HSF5: variants seen among roughly 807,000 people sequenced by gnomAD.
The protein encoded by HSF5 is heat shock factor protein 5.
A neutral mutation model predicts 50.8 loss-of-function variants in HSF5; 5 were observed. That is an observed-to-expected ratio of 0.10 (90% CI 0.05 to 0.21). The LOEUF is 0.21. Among genes scored for constraint, HSF5 ranks in the 10% least tolerant of loss-of-function variants. HSF5 has a pLI of 1.00. For synonymous variants in HSF5, 307 were observed against 307.4 expected (o/e 1.00, Z 0.02); for missense variants, 564 against 762.6 (o/e 0.74, Z 3.07).
intron 5 of HSF5, among the ~76,000 whole-genome samples, chr17:58,454,738 G>A (rs1193839766): frequency 6.6e-6 from 1 of 152,078 alleles, no homozygotes; most frequent in Non-Finnish European, 1.5e-5. Flanking sequence ...ATTTATAGTA[G>A]CTACAAGAAA....
Position 58,470,052 on chromosome 17 carries a change from T to C in HSF5, c.926-3073A>G, listed in dbSNP as rs187757479. The stretch of plus-strand genomic sequence containing the variant: ...AACAGTGAGAAAATACCCAATAATA[T>C]AAATGCTCAAAAGAAAAAGCATTAT... On this transcript the variant is annotated intron_variant, in intron 2 of 5. Coordinates refer to ENST00000323777, the MANE Select transcript of HSF5 (RefSeq NM_001080439.3). Among the ~76,000 whole-genome samples, 197 of 152,276 alleles carry C rather than the reference T, an allele frequency of 1.3e-3. 1 individual carries two copies. Among genetic ancestry groups the C allele is most frequent in the African/African-American group, 4.5e-3 (187 of 41,556 alleles).
intron 5 of HSF5, among the ~76,000 whole-genome samples, chr17:58,453,886 C>T (rs1353744670): frequency 1.3e-5 from 2 of 151,710 alleles, no homozygotes; most frequent in Non-Finnish European, 2.9e-5. Context: ...GTCAGGAGTT[C>T]GAGACCAGCC....
chr17:58,451,027 T>G (rs1974633997), intron 5 of HSF5, among the ~76,000 whole-genome samples: 1 of 152,156 alleles, frequency 6.6e-6, no homozygotes, highest in Non-Finnish European at 1.5e-5. Flanking sequence ...AGGCGGAGGT[T>G]GTAGTGAGCT....
chr17:58,439,631 T>C (rs538907362), intron 5 of HSF5, among the ~76,000 whole-genome samples: 80 of 152,190 alleles, frequency 5.3e-4, no homozygotes, highest in Non-Finnish European at 7.5e-4. Flanking sequence ...ATTACAAGCA[T>C]GCGCCACCAT....
Position 58,477,341 on chromosome 17 carries a change from C to T in HSF5, c.925+2552G>A, listed in dbSNP as rs370625942. On this transcript the variant is annotated intron_variant, in intron 2 of 5. Coordinates refer to ENST00000323777, the MANE Select transcript of HSF5 (RefSeq NM_001080439.3). ...TTCACTATGTTAACCAGGCTGGTCT[C>T]GAACTCCTGACCTCATGAATCGCCC... 9.9e-5 allele frequency among the ~76,000 whole-genome samples: 15 copies of T among 151,602 alleles called. No homozygotes were observed. In the East Asian group the frequency reaches 1.9e-3, roughly 20 times the overall value.
At chr17:58,429,445 G>T (rs969908322) in intron 5 of HSF5, among the ~76,000 whole-genome samples, 1 of 152,030 alleles carries the variant, frequency 6.6e-6, no homozygotes, top group Admixed American at 6.6e-5. Flanking sequence ...GAGGCAGGAG[G>T]ATTGCTTGAG....
intron 3 of HSF5, among the ~76,000 whole-genome samples, chr17:58,463,966 T>C (rs958620713): frequency 6.6e-6 from 1 of 152,220 alleles, no homozygotes; most frequent in Admixed American, 6.5e-5. Context: ...TCTGTGAACA[T>C]AAAATACAGA....
Position 58,439,280 on chromosome 17 carries a change from AC to A in HSF5, c.1721-16851del, listed in dbSNP as rs1396867253. On this transcript the variant is annotated intron_variant, in intron 5 of 5. Coordinates refer to ENST00000323777, the MANE Select transcript of HSF5 (RefSeq NM_001080439.3). ...GGAAGAAAGCCAATGGAAAAAAAAA[AC>A]AAAAACAACAACAACCAAAAAAAAA... Among the ~76,000 whole-genome samples the A allele has an allele frequency of 2.8e-4, 40 of 145,412 alleles. No individual in the cohort carries two copies. The South Asian group carries it at 7.7e-3, about 28-fold the overall frequency.
chr17:58,424,058 G>A (rs1032373696), intron 5 of HSF5, among the ~76,000 whole-genome samples: 1 of 152,132 alleles, frequency 6.6e-6, no homozygotes, highest in African/African-American at 2.4e-5. Flanking sequence ...AGTCACCAGG[G>A]ATAGGTGCTT....
At chr17:58,444,784 C>T (rs1413727412) in intron 5 of HSF5, among the ~76,000 whole-genome samples, 3 of 152,070 alleles carry the variant, frequency 2.0e-5, no homozygotes, top group Non-Finnish European at 4.4e-5. Flanking sequence ...GACAAAATAG[C>T]ATAAAAGGCA....
intron 5 of HSF5, among the ~76,000 whole-genome samples, chr17:58,454,249 AT>A (rs1974679387): frequency 2.0e-5 from 3 of 150,164 alleles, no homozygotes; most frequent in South Asian, 4.2e-4. Flanking sequence ...AAAACAAAAA[AT>A]AAATAAAAAA....
In HSF5 at chr17:58,474,565, T is replaced by C. The variant is rs532752424; in HGVS notation, c.925+5328A>G. Among the ~76,000 whole-genome samples, 5 of 152,268 alleles carry C rather than the reference T, an allele frequency of 3.3e-5. No homozygotes were observed. The South Asian group carries it at 1.0e-3, about 32-fold the overall frequency. ...TTGGAGACAACTCCCAATTTATAAT[T>C]TACATCAAGCTAAAATAAAATATTT... On this transcript the variant is annotated intron_variant, in intron 2 of 5. Coordinates refer to ENST00000323777, the MANE Select transcript of HSF5 (RefSeq NM_001080439.3).
intron 5 of HSF5, 95 bp downstream of exon 5, chr17:58,458,673 T>C: frequency 1.0e-6 from 1 of 982,226 alleles, no homozygotes; most frequent in East Asian, 2.6e-5. Context: ...AATACAATTA[T>C]GAATAATAAA....
At chr17:58,481,642 G>T (rs1420730505) in intron 1 of HSF5, among the ~76,000 whole-genome samples, 1 of 152,170 alleles carries the variant, frequency 6.6e-6, no homozygotes. Context: ...CAAATAATTA[G>T]ATTGTAAACC....
At chr17:58,455,007 C>A (rs1172021558) in intron 5 of HSF5, among the ~76,000 whole-genome samples, 1 of 152,008 alleles carries the variant, frequency 6.6e-6, no homozygotes, top group Non-Finnish European at 1.5e-5. Context: ...ACAAAAGACC[C>A]CAGACAGCCA....
Position 58,458,895 on chromosome 17 carries a change from C to T in HSF5, c.1593G>A (p.Pro531=), listed in dbSNP as rs140094348. ...CQTSSRENIL[P]SEQMGFLISE... ...AAATGAGGAATCCCATCTGTTCTGA[C>T]GGCAAGATATTCTCACGTGAACTGG... The change falls in exon 5 of 6, where the codon CCG becomes CCA. Residue 531 remains proline, a synonymous_variant. Coordinates refer to ENST00000323777, the MANE Select transcript of HSF5 (RefSeq NM_001080439.3). 1.3e-4 allele frequency: 208 copies of T among 1,614,088 alleles called. No individual in the cohort carries two copies. In the African/African-American group the frequency reaches 2.1e-3, roughly 16 times the overall value.
intron 5 of HSF5, among the ~76,000 whole-genome samples, chr17:58,442,386 A>C (rs1328713458): frequency 1.3e-5 from 2 of 152,236 alleles, no homozygotes; most frequent in African/African-American, 4.8e-5. Flanking sequence ...GTTGAAGATA[A>C]GTAGGGAAAG....
Position 58,488,085 on chromosome 17 carries a change from C to T in HSF5, c.190G>A (p.Gly64Arg), listed in dbSNP as rs758585241. The change falls in exon 1 of 6, where the codon GGG becomes AGG. Residue 64 changes from glycine (G) to arginine (R), a missense_variant. Around this residue, in one of 5 missense-constraint regions of HSF5, gnomAD observed 72 missense variants for 110.9 expected, o/e 0.65. Coordinates refer to ENST00000323777, the MANE Select transcript of HSF5 (RefSeq NM_001080439.3). This position sits in a 1 kb window ranked among gnomAD's most constrained non-coding sequence, Gnocchi z 4.1. ...PGPGGGGGTA[G>R]AGAEPELFKT... is the part of the protein sequence containing the mutation. Reference sequence around the variant, plus strand: ...AAGAGCTCGGGCTCGGCCCCGGCCCCCGCAGTCCCGCCACCGCCCCCCGGC... The same window carrying T: ...AAGAGCTCGGGCTCGGCCCCGGCCCTCGCAGTCCCGCCACCGCCCCCCGGC... The T allele has an allele frequency of 9.5e-6, 15 of 1,576,192 alleles. No individual in the cohort carries two copies. Among genetic ancestry groups the T allele is most frequent in the Non-Finnish European group, 1.3e-5 (15 of 1,167,762 alleles).
chr17:58,480,879 C>A (rs1975090794), intron 1 of HSF5, among the ~76,000 whole-genome samples: 1 of 152,044 alleles, frequency 6.6e-6, no homozygotes, highest in African/African-American at 2.4e-5. Context: ...CCTCAAACTT[C>A]CAGGCTCAAG....
Sources: allele counts gnomAD v4.1 joint callset (sites outside exome capture counted in the v4.1 genomes callset), GRCh38; gene constraint gnomAD v4.1.1; regional missense constraint gnomAD v4.1.1; non-coding constraint Gnocchi (gnomAD v3.1); transcripts MANE v1.5; gene names NCBI Gene and HGNC (gene_info 2026-07-23, HGNC 2026-07-21).